Variants in LEKR1 observed in about 807,000 individuals in gnomAD.
The protein encoded by LEKR1 is leucine, glutamate and lysine rich 1, also known as protein LEKR1.
Under a neutral mutation model 72.4 loss-of-function variants are expected in LEKR1, and 59 were observed. That is an observed-to-expected ratio of 0.82 (90% CI 0.66 to 1.01). LEKR1 has a LOEUF of 1.01. Ranked by LOEUF, LEKR1 falls within the 50% of genes least tolerant of loss-of-function variation. The pLI is 0.00. For synonymous variants in LEKR1, 257 were observed against 263.2 expected, an observed-to-expected ratio of 0.98 and a Z score of 0.23; for missense variants, 728 against 759.2, an observed-to-expected ratio of 0.96 and a Z score of 0.48.
intron 3 of LEKR1, chr3:156,853,228 C>T (rs1456226724): frequency 3.9e-6 from 1 of 255,780 alleles, no homozygotes; most frequent in African/African-American, 2.2e-5. Context: ...CTGAGACATT[C>T]AAATTTTTTT....
At chr3:156,855,455 A>G (rs1715946860) in intron 3 of LEKR1, among the ~76,000 whole-genome samples, 1 of 152,086 alleles carries the variant, frequency 6.6e-6, no homozygotes, top group South Asian at 2.1e-4. Context: ...TATATTGACC[A>G]TGTTATTGGG....
At chr3:156,836,742 GAGAAA>G (rs1713193126) in intron 2 of LEKR1, among the ~76,000 whole-genome samples, 1 of 152,196 alleles carries the variant, frequency 6.6e-6, no homozygotes, top group Admixed American at 6.5e-5. Flanking sequence ...AGGTAGCTCA[GAGAAA>G]AGAAAATTCA....
At chr3:156,873,777 CT>C (rs1445649440) in intron 3 of LEKR1, among the ~76,000 whole-genome samples, 1 of 151,868 alleles carries the variant, frequency 6.6e-6, no homozygotes, top group African/African-American at 2.4e-5. Flanking sequence ...AGTATCCTTA[CT>C]ATATTAGTTA....
chr3:156,984,933 T>A (rs1190081622), intron 7 of LEKR1, among the ~76,000 whole-genome samples: 1 of 151,826 alleles, frequency 6.6e-6, no homozygotes, highest in Admixed American at 6.6e-5. Context: ...ACAGTCTCTA[T>A]TATTGAGATA....
intron 3 of LEKR1, among the ~76,000 whole-genome samples, chr3:156,856,044 G>C (rs1379415025): frequency 6.6e-6 from 1 of 152,040 alleles, no homozygotes; most frequent in East Asian, 1.9e-4. Flanking sequence ...GTTATCAGAA[G>C]AAGAGGGAAT....
intron 2 of LEKR1, among the ~76,000 whole-genome samples, chr3:156,838,007 GTTT>G (rs371192610): frequency 3.9e-5 from 6 of 152,162 alleles, no homozygotes; most frequent in African/African-American, 7.2e-5. Flanking sequence ...CCAAAATGAC[GTTT>G]TTTATTCCAG....
At chr3:157,024,972 G>A (rs1160964134) in intron 11 of LEKR1, 48 bp downstream of exon 11, 1 of 1,327,878 alleles carries the variant, frequency 7.5e-7, no homozygotes, top group Non-Finnish European at 1.1e-6. Context: ...TGAAACTGCA[G>A]ATGTTGTATA....
At position 156,920,831 on chromosome 3, in the gene LEKR1, CT is replaced by C. The variant is rs150717246; in HGVS notation, c.383+143del. 11 of 519,202 alleles carry C rather than the reference CT, an allele frequency of 2.1e-5. No homozygotes were observed. In the East Asian group the frequency reaches 3.9e-4, roughly 18 times the overall value. 32.2% of individuals were successfully genotyped at this position (519,202 alleles called of 1,614,324 possible). ...GAAAAGTGAAACAGCATTAGGTTTT[CT>C]TTTTTCTTTTTTAAACCATTATCTC... is the stretch of plus-strand genomic sequence containing the variant. On this transcript the variant is annotated intron_variant, in intron 4 of 12. Coordinates refer to ENST00000356539, the MANE Select transcript of LEKR1 (RefSeq NM_001004316.3).
At chr3:157,004,905 A>G (rs1007667520) in intron 9 of LEKR1, among the ~76,000 whole-genome samples, 2 of 152,032 alleles carry the variant, frequency 1.3e-5, no homozygotes, top group Admixed American at 1.3e-4. Context: ...AGACGAGGAA[A>G]AAATTCCCAA....
At chr3:157,024,565 G>T (rs1272329795) in intron 10 of LEKR1, among the ~76,000 whole-genome samples, 195 bp from the exon 11 acceptor site, 1 of 152,044 alleles carries the variant, frequency 6.6e-6, no homozygotes, top group Non-Finnish European at 1.5e-5. Context: ...AGAAGGTGGT[G>T]GAATATTTGG....
At chr3:156,916,265 G>C (rs563817264) in intron 3 of LEKR1, among the ~76,000 whole-genome samples, 2 of 151,842 alleles carry the variant, frequency 1.3e-5, no homozygotes, top group African/African-American at 4.8e-5. Flanking sequence ...TGTTCCATAT[G>C]TATTTTAAAA....
intron 3 of LEKR1, among the ~76,000 whole-genome samples, chr3:156,916,321 T>C (rs1560077586): frequency 6.6e-6 from 1 of 151,976 alleles, no homozygotes; most frequent in Non-Finnish European, 1.5e-5. Context: ...TAGACAGGAA[T>C]AGTATTGAAT....
At chr3:156,950,100 G>A (rs1727016243) in intron 6 of LEKR1, among the ~76,000 whole-genome samples, 1 of 151,142 alleles carries the variant, frequency 6.6e-6, no homozygotes, top group Admixed American at 6.6e-5. Flanking sequence ...ATATATTTTT[G>A]TATTAATATA....
At chr3:156,979,795 T>C (rs1245594899) in intron 7 of LEKR1, 1 of 152,234 alleles carries the variant, frequency 6.6e-6, no homozygotes, top group Admixed American at 6.5e-5. Context: ...AAGAACACTA[T>C]TTCTTTTAAA....
chr3:156,867,061 TG>T (rs1717393632), intron 3 of LEKR1, among the ~76,000 whole-genome samples: 2 of 152,102 alleles, frequency 1.3e-5, no homozygotes, highest in Admixed American at 1.3e-4. Context: ...CATAAACATT[TG>T]GGTCAATATT....
intron 10 of LEKR1, among the ~76,000 whole-genome samples, chr3:157,021,130 G>GT (rs1244869304): frequency 6.6e-6 from 1 of 151,878 alleles, no homozygotes; most frequent in Non-Finnish European, 1.5e-5. Flanking sequence ...GGGGTTGTTT[G>GT]TTTTTTTCTT....
chr3:157,024,278 T>C (rs1288245250), intron 10 of LEKR1, among the ~76,000 whole-genome samples: 1 of 152,174 alleles, frequency 6.6e-6, no homozygotes, highest in East Asian at 1.9e-4. Context: ...CTTCCCACTT[T>C]AGTCACATTA....
chr3:156,927,926 A>G (rs1724877088), intron 5 of LEKR1, among the ~76,000 whole-genome samples: 1 of 151,988 alleles, frequency 6.6e-6, no homozygotes, highest in Admixed American at 6.6e-5. Context: ...CTTATAGATA[A>G]CAACTTTAAT....
intron 6 of LEKR1, among the ~76,000 whole-genome samples, chr3:156,951,952 A>T (rs1727193816): frequency 6.6e-6 from 1 of 151,500 alleles, no homozygotes; most frequent in Non-Finnish European, 1.5e-5. Context: ...GCTTCAAATA[A>T]TTTTTTACTA....
Sources: allele counts gnomAD v4.1 joint callset (sites outside exome capture counted in the v4.1 genomes callset), GRCh38; gene constraint gnomAD v4.1.1; transcripts MANE v1.5; gene names NCBI Gene and HGNC (gene_info 2026-07-23, HGNC 2026-07-21).